Variants in SH3BGR observed in about 807,000 individuals in gnomAD.
SH3BGR encodes the protein SH3 domain binding glutamate rich protein, also known as SH3 domain-binding glutamic acid-rich protein.
SH3BGR carries 29 observed loss-of-function variants against 24.5 expected under a neutral mutation model. The observed-to-expected ratio is 1.18, with a 90% CI of 0.88 to 1.61. The LOEUF (loss-of-function observed/expected upper bound fraction) is 1.61, where lower values mean the gene tolerates loss of function less well. Among genes scored for constraint, SH3BGR ranks in the 40% most tolerant of loss-of-function variants. The pLI, the probability that SH3BGR is intolerant of heterozygous loss-of-function variation, is 0.00. For missense variants in SH3BGR, 162 were observed against 205.8 expected (o/e 0.79, Z 1.30); for synonymous variants, 55 against 65.7 (o/e 0.84, Z 0.79).
At position 39,478,706 on chromosome 21, in the gene SH3BGR, C is replaced by T. The variant is rs558307352; in HGVS notation, c.312+3491C>T. ...TCTCTAATTTTCTTATCTTTTCTCT[C>T]CCATTTTCCATATTTTTGTATTTTT... On this transcript the variant is annotated intron_variant, in intron 3 of 6. Transcript: ENST00000333634. 1.2e-4 allele frequency among the ~76,000 whole-genome samples: 18 copies of T among 152,144 alleles called. No homozygotes were observed. The East Asian group carries it at 3.3e-3, about 28-fold the overall frequency.
intron 4 of SH3BGR, among the ~76,000 whole-genome samples, chr21:39,508,461 C>T (rs2078621733): frequency 6.6e-6 from 1 of 152,202 alleles, no homozygotes; most frequent in South Asian, 2.1e-4. Context: ...TCTTACCTTG[C>T]AAATTTCTTT....
At chr21:39,504,389 C>T (rs2078548372) in intron 4 of SH3BGR, among the ~76,000 whole-genome samples, 1 of 152,202 alleles carries the variant, frequency 6.6e-6, no homozygotes. Context: ...GCAGGTCACG[C>T]TGGGCTAGTC....
intron 3 of SH3BGR, among the ~76,000 whole-genome samples, chr21:39,483,371 C>A (rs138275936): frequency 6.6e-6 from 1 of 152,178 alleles, no homozygotes; most frequent in Non-Finnish European, 1.5e-5. Flanking sequence ...TAATGACTTG[C>A]CATTCATGTC....
intron 3 of SH3BGR, among the ~76,000 whole-genome samples, chr21:39,491,364 G>T (rs1039870413): frequency 6.6e-6 from 1 of 151,852 alleles, no homozygotes; most frequent in African/African-American, 2.4e-5. Context: ...TGGCCAGACT[G>T]GTCTTGAACT....
chr21:39,473,135 T>C (rs1569157781), intron 2 of SH3BGR, among the ~76,000 whole-genome samples: 2 of 152,324 alleles, frequency 1.3e-5, no homozygotes, highest in East Asian at 1.9e-4. Context: ...TTTGGTAGCA[T>C]CAAGTCAAAG....
chr21:39,451,910 G>A (rs143407181), upstream of SH3BGR: 422 of 1,613,916 alleles, frequency 2.6e-4, 2 homozygotes, highest in African/African-American at 4.6e-3. Context: ...AGCCCAAGAT[G>A]CCTCTGCTGC....
rs148809021 is a variant in SH3BGR at position 39,501,385 on chromosome 21, C to T, written c.405+1470C>T. On this transcript the variant is annotated intron_variant, in intron 4 of 6. Coordinates refer to ENST00000333634, the MANE Select transcript of SH3BGR (RefSeq NM_007341.3). ...GAAGTGATGAATCACCCAGCTTGGACGTTCTCTTTGCTACTACATTTTAAA... is the reference window on the plus strand; with the variant it reads ...GAAGTGATGAATCACCCAGCTTGGATGTTCTCTTTGCTACTACATTTTAAA... Among the ~76,000 whole-genome samples the T allele has an allele frequency of 2.6e-3, 401 of 152,252 alleles. 2 individuals are homozygous for T. Among genetic ancestry groups the T allele is most frequent in the African/African-American group, 8.9e-3 (370 of 41,538 alleles).
intron 3 of SH3BGR, among the ~76,000 whole-genome samples, chr21:39,485,720 C>T (rs1282514574): frequency 4.9e-5 from 7 of 143,674 alleles, no homozygotes; most frequent in African/African-American, 1.8e-4. Context: ...CGGAGTCTCG[C>T]TCTGTCGCCC....
chr21:39,472,873 G>A (rs924505355), intron 2 of SH3BGR, among the ~76,000 whole-genome samples: 1 of 152,010 alleles, frequency 6.6e-6, no homozygotes, highest in African/African-American at 2.4e-5. Flanking sequence ...CAGTGTCAAA[G>A]TGATGGTAAA....
chr21:39,456,433 G>A (rs1452182186), intron 1 of SH3BGR, among the ~76,000 whole-genome samples: 3 of 152,242 alleles, frequency 2.0e-5, no homozygotes, highest in Non-Finnish European at 4.4e-5. Context: ...GAAAAGATGT[G>A]TAGAGAATGC....
At position 39,461,261 on chromosome 21, in the gene SH3BGR, C is replaced by T. The variant is rs142753991; in HGVS notation, c.46-1114C>T. Among the ~76,000 whole-genome samples, 881 of 151,984 alleles carry T rather than the reference C, an allele frequency of 5.8e-3. 11 individuals are homozygous for T. Among genetic ancestry groups the T allele is most frequent in the African/African-American group, 0.02 (834 of 41,440 alleles). On this transcript the variant is annotated intron_variant, in intron 1 of 6. Coordinates refer to ENST00000333634, the MANE Select transcript of SH3BGR (RefSeq NM_007341.3). ...AAGCGATTCTCCTGCTTCAGTCTCC[C>T]GAGTAGCTGGGATTACAAGGCATGC...
chr21:39,512,306 T>A (rs570606883), intron 6 of SH3BGR, among the ~76,000 whole-genome samples: 1 of 152,164 alleles, frequency 6.6e-6, no homozygotes, highest in African/African-American at 2.4e-5. Flanking sequence ...AAATTATTGC[T>A]GCCACGGGTT....
At chr21:39,449,212 T>C (rs898686889), upstream of SH3BGR, among the ~76,000 whole-genome samples, 2 of 152,226 alleles carry the variant, frequency 1.3e-5, no homozygotes, top group African/African-American at 4.8e-5. Flanking sequence ...AGTATGTATG[T>C]AAGGCTGACT....
intron 2 of SH3BGR, among the ~76,000 whole-genome samples, chr21:39,469,051 C>T (rs2077891481): frequency 6.6e-6 from 1 of 150,648 alleles, no homozygotes. Flanking sequence ...TGTCTGTTGC[C>T]CAGGCTGGAG....
At chr21:39,502,964 C>A (rs546539809) in intron 4 of SH3BGR, among the ~76,000 whole-genome samples, 46 of 151,206 alleles carry the variant, frequency 3.0e-4, no homozygotes, top group African/African-American at 1.1e-3. Flanking sequence ...CTGGCCACCT[C>A]CGTCTTGCCA....
chr21:39,457,491 TTA>T (rs894006381), intron 1 of SH3BGR, among the ~76,000 whole-genome samples: 2 of 145,512 alleles, frequency 1.4e-5, no homozygotes, highest in Non-Finnish European at 3.0e-5. Flanking sequence ...TATATAAATC[TTA>T]TATATATGAT....
intron 4 of SH3BGR, among the ~76,000 whole-genome samples, chr21:39,508,138 A>G (rs971624084): frequency 1.7e-4 from 26 of 152,180 alleles, no homozygotes; most frequent in African/African-American, 5.6e-4. Flanking sequence ...TATGACTGCA[A>G]GATCACATTC....
At chr21:39,476,970 T>C (rs771478543) in intron 3 of SH3BGR, among the ~76,000 whole-genome samples, 1 of 152,176 alleles carries the variant, frequency 6.6e-6, no homozygotes, top group Non-Finnish European at 1.5e-5. Flanking sequence ...GAAAAATATA[T>C]TTTCTGTCTG....
At chr21:39,449,578 A>G (rs1167667231), upstream of SH3BGR, among the ~76,000 whole-genome samples, 2 of 152,222 alleles carry the variant, frequency 1.3e-5, no homozygotes, top group South Asian at 2.1e-4. Flanking sequence ...ATTAGAAGGA[A>G]TCTTTCAGCT....
Sources: allele counts gnomAD v4.1 joint callset (sites outside exome capture counted in the v4.1 genomes callset), GRCh38; gene constraint gnomAD v4.1.1; transcripts MANE v1.5; gene names NCBI Gene and HGNC (gene_info 2026-07-23, HGNC 2026-07-21).